VPS41: variants seen among roughly 807,000 people sequenced by gnomAD.
VPS41 encodes VPS41 subunit of HOPS complex.
VPS41 carries 85 observed loss-of-function variants against 130.9 expected under a neutral mutation model. The observed-to-expected ratio is 0.65, with a 90% confidence interval of 0.55 to 0.78. VPS41 has a LOEUF of 0.78. Among genes scored for constraint, VPS41 ranks in the 30% least tolerant of loss-of-function variants. VPS41 has a pLI of 0.00. For synonymous variants in VPS41, 335 were observed against 332.9 expected (o/e 1.01, Z -0.07); for missense variants, 874 against 1,018.7 (o/e 0.86, Z 1.93).
At chr7:38,809,720 G>A (rs536330039) in intron 7 of VPS41, among the ~76,000 whole-genome samples, 12 of 152,136 alleles carry the variant, frequency 7.9e-5, no homozygotes, top group Admixed American at 4.6e-4. Flanking sequence ...CCTGCGGCCA[G>A]GTCCCCTCAT....
At chr7:38,821,314 G>C (rs1785166877) in intron 5 of VPS41, 49 bp from the exon 6 acceptor site, 1 of 1,356,902 alleles carries the variant, frequency 7.4e-7, no homozygotes, top group African/African-American at 1.4e-5. Context: ...CAATAGAGAA[G>C]GCTACTGAGT....
In VPS41 at chr7:38,756,907, C is replaced by T. The variant is rs895135325; in HGVS notation, c.1626G>A (p.Leu542=). ...LTLRHKDVFQ[L]IHKHNLFSSI... ...AACTGAAAAGATTATGCTTGTGGAT[C>T]AACTGAAAAACGTCTTTATGTCTTA... is the stretch of plus-strand genomic sequence containing the variant. Residue 542 remains leucine (L), a synonymous_variant, in exon 19 of 29, where the codon TTG becomes TTA. Coordinates refer to ENST00000310301, the MANE Select transcript of VPS41 (RefSeq NM_014396.4). The T allele has an allele frequency of 4.0e-5, 64 of 1,600,178 alleles. No individual in the cohort carries two copies. The highest frequency in any genetic ancestry group is 5.3e-5 in the Non-Finnish European group (62 of 1,168,648).
At chr7:38,830,931 G>A (rs932081388) in intron 4 of VPS41, among the ~76,000 whole-genome samples, 1 of 152,182 alleles carries the variant, frequency 6.6e-6, no homozygotes, top group African/African-American at 2.4e-5. Context: ...TCAAAACAGA[G>A]AAAAGAGAGG....
chr7:38,729,043 T>C (rs1795606284), intron 25 of VPS41, among the ~76,000 whole-genome samples: 1 of 152,156 alleles, frequency 6.6e-6, no homozygotes, highest in Non-Finnish European at 1.5e-5. Context: ...CCTGTAGCAT[T>C]TGTATAATCA....
intron 4 of VPS41, among the ~76,000 whole-genome samples, chr7:38,852,082 A>T (rs1785868317): frequency 6.6e-6 from 1 of 152,154 alleles, no homozygotes; most frequent in African/African-American, 2.4e-5. Flanking sequence ...CTGGGTGACA[A>T]AGTTGTGCGT....
intron 2 of VPS41, among the ~76,000 whole-genome samples, chr7:38,886,022 A>C (rs1446619447): frequency 6.6e-6 from 1 of 152,054 alleles, no homozygotes; most frequent in Non-Finnish European, 1.5e-5. Context: ...TTTAAAACGA[A>C]GAGTCGTCAC....
chr7:38,872,786 A>G (rs1786398424), intron 2 of VPS41, among the ~76,000 whole-genome samples: 1 of 152,242 alleles, frequency 6.6e-6, no homozygotes, highest in South Asian at 2.1e-4. Context: ...ACTGCAAAAA[A>G]CAACAGACAC....
intron 1 of VPS41, among the ~76,000 whole-genome samples, chr7:38,903,198 C>T (rs955412479): frequency 2.0e-5 from 3 of 152,178 alleles, no homozygotes; most frequent in African/African-American, 7.2e-5. Context: ...ATTCCTTGGG[C>T]TCCTAGAAGA....
intron 7 of VPS41, among the ~76,000 whole-genome samples, chr7:38,815,700 AT>A (rs1407536609): frequency 1.3e-5 from 2 of 152,120 alleles, no homozygotes; most frequent in African/African-American, 2.4e-5. Context: ...TCTGGCCAGG[AT>A]GGCCAGAATA....
intron 4 of VPS41, among the ~76,000 whole-genome samples, chr7:38,853,418 CAAAAAAAAAAA>C (rs57368681): frequency 1.1e-4 from 9 of 78,944 alleles, no homozygotes; most frequent in East Asian, 8.5e-4. Context: ...GACTCCTTCT[CAAAAAAAAAAA>C]AAAAAAAAAA....
intron 9 of VPS41, among the ~76,000 whole-genome samples, chr7:38,793,721 G>A (rs1444556938): frequency 4.6e-5 from 7 of 152,048 alleles, no homozygotes; most frequent in African/African-American, 1.7e-4. Flanking sequence ...GAGGCTCTAG[G>A]GGACAATCTG....
chr7:38,830,174 T>C, intron 5 of VPS41, 80 bp downstream of exon 5: 1 of 860,226 alleles, frequency 1.2e-6, no homozygotes, highest in South Asian at 1.3e-5. Flanking sequence ...TTAATGCAGT[T>C]ATATAGTAAG....
At chr7:38,879,445 C>A (rs907480933) in intron 2 of VPS41, among the ~76,000 whole-genome samples, 6 of 152,192 alleles carry the variant, frequency 3.9e-5, no homozygotes, top group African/African-American at 1.2e-4. Flanking sequence ...TCAGAAGAGT[C>A]ACCTCACAAA....
chr7:38,816,947 G>A (rs969999124), intron 7 of VPS41, among the ~76,000 whole-genome samples: 2 of 152,036 alleles, frequency 1.3e-5, no homozygotes, highest in Admixed American at 1.3e-4. Flanking sequence ...CTCACTCGTT[G>A]CCCAGGCTGG....
intron 12 of VPS41, 49 bp downstream of exon 12, chr7:38,774,066 G>GA (rs751229874): frequency 3.8e-5 from 57 of 1,485,788 alleles, no homozygotes; most frequent in African/African-American, 5.1e-5. Context: ...GGAAGGGGGA[G>GA]AAAAAAACAT....
chr7:38,783,167 G>A (rs189175165), intron 10 of VPS41, among the ~76,000 whole-genome samples: 167 of 152,184 alleles, frequency 1.1e-3, no homozygotes, highest in African/African-American at 3.8e-3. Context: ...TCAATTACAC[G>A]AGACAGTCTT....
chr7:38,766,768 G>A (rs1237452595), intron 15 of VPS41, among the ~76,000 whole-genome samples: 2 of 152,094 alleles, frequency 1.3e-5, no homozygotes, highest in African/African-American at 4.8e-5. Flanking sequence ...CCCTTCATTG[G>A]GCTCTTGTTC....
At chr7:38,776,606 G>A in intron 11 of VPS41, 73 bp downstream of exon 11, 9 of 826,168 alleles carry the variant, frequency 1.1e-5, no homozygotes, top group Non-Finnish European at 1.7e-5. Flanking sequence ...TGCTACTGAT[G>A]AACAACCTGA....
intron 2 of VPS41, among the ~76,000 whole-genome samples, chr7:38,891,143 G>GT (rs1194466988): frequency 6.6e-6 from 1 of 152,116 alleles, no homozygotes; most frequent in East Asian, 1.9e-4. Context: ...TTGTTAGAGA[G>GT]TTTGAGATGG....
Sources: allele counts gnomAD v4.1 joint callset (sites outside exome capture counted in the v4.1 genomes callset), GRCh38; gene constraint gnomAD v4.1.1; transcripts MANE v1.5; gene names NCBI Gene and HGNC (gene_info 2026-07-23, HGNC 2026-07-21).